Variants in SIL1 observed in about 807,000 individuals in gnomAD.
The protein encoded by SIL1 is nucleotide exchange factor SIL1.
SIL1 carries 40 observed loss-of-function variants against 49.1 expected under a neutral mutation model. The observed-to-expected ratio is 0.81, with a 90% CI of 0.63 to 1.06. The LOEUF (loss-of-function observed/expected upper bound fraction) is 1.06. Ranked by LOEUF, SIL1 falls within the 50% of genes least tolerant of loss-of-function variation. SIL1 has a pLI of 0.00. For synonymous variants in SIL1, 253 were observed against 250.8 expected, an observed-to-expected ratio of 1.01 and a Z score of -0.08; for missense variants, 500 against 572.6, an observed-to-expected ratio of 0.87 and a Z score of 1.29.
intron 3 of SIL1, among the ~76,000 whole-genome samples, chr5:139,075,019 T>G (rs1357639221): frequency 6.6e-6 from 1 of 152,124 alleles, no homozygotes; most frequent in Non-Finnish European, 1.5e-5. Flanking sequence ...GAGATGGGGT[T>G]TCACCATGTT....
intron 3 of SIL1, among the ~76,000 whole-genome samples, chr5:139,097,361 G>A (rs902965111): frequency 6.6e-6 from 1 of 152,012 alleles, no homozygotes; most frequent in Non-Finnish European, 1.5e-5. Context: ...AGTGAACATA[G>A]GCAATAGCCA....
rs550527697 is a variant in SIL1, at chr5:139,065,201, TG to T, written c.245-14156del. On this transcript the variant is annotated intron_variant, in intron 3 of 9. Transcript: ENST00000394817. ...GCATCCAAACTGAGAGGGCAGCAAATGAGCTGTTTAAACTTAGCCTGTACCA... is the reference window on the plus strand; with the variant it reads ...GCATCCAAACTGAGAGGGCAGCAAATAGCTGTTTAAACTTAGCCTGTACCA... Among the ~76,000 whole-genome samples, 305 of 152,202 alleles carry T rather than the reference TG, an allele frequency of 2.0e-3. 2 individuals are homozygous for T. Among genetic ancestry groups the T allele is most frequent in the African/African-American group, 7.1e-3 (293 of 41,506 alleles).
At chr5:139,142,874 T>C (rs777576611) in intron 1 of SIL1, among the ~76,000 whole-genome samples, 8 of 152,092 alleles carry the variant, frequency 5.3e-5, no homozygotes, top group Non-Finnish European at 1.0e-4. Context: ...GTTCACGCCA[T>C]TCTCCTGCAT....
At chr5:138,982,601 T>C (rs1767552626) in intron 7 of SIL1, among the ~76,000 whole-genome samples, 1 of 152,210 alleles carries the variant, frequency 6.6e-6, no homozygotes, top group African/African-American at 2.4e-5. Context: ...CAGGAGAATA[T>C]TCCCCACTTC....
rs1242113925 is a variant in SIL1 at position 139,016,372 on chromosome 5, A to C, written c.767+4799T>G. ...TTGAGGTGCGATGAGACAGTGTGGT[A>C]GAAACGTAGAAGACCACAGGAGAAA... On this transcript the variant is annotated intron_variant, in intron 7 of 9. Coordinates refer to ENST00000394817, the MANE Select transcript of SIL1 (RefSeq NM_022464.5). Among the ~76,000 whole-genome samples the C allele has an allele frequency of 2.6e-5, 4 of 152,250 alleles. No homozygotes were observed. The East Asian group carries it at 7.7e-4, about 29-fold the overall frequency.
intron 7 of SIL1, among the ~76,000 whole-genome samples, chr5:138,997,973 C>T (rs1383209816): frequency 2.6e-5 from 4 of 152,098 alleles, no homozygotes; most frequent in Non-Finnish European, 5.9e-5. Context: ...ATTTTAGAAT[C>T]GTCTCTTTTA....
intron 3 of SIL1, among the ~76,000 whole-genome samples, chr5:139,112,673 G>A (rs905610052): frequency 2.0e-5 from 3 of 150,466 alleles, no homozygotes; most frequent in Non-Finnish European, 4.4e-5. Context: ...CCATCCGGGA[G>A]GGAGGTGGCG....
At chr5:138,980,408 T>C (rs1581002757) in intron 7 of SIL1, among the ~76,000 whole-genome samples, 1 of 152,150 alleles carries the variant, frequency 6.6e-6, no homozygotes, top group South Asian at 2.1e-4. Context: ...GGTGGACAGT[T>C]TGGACAACCA....
chr5:139,146,993 C>T lies in SIL1; in HGVS notation c.-10-19140G>A, dbSNP rs571925170. ...GCCTGAGTACATGGGACTCCTTCCT[C>T]ATCCACTGTTTAATCTCTAGTTAGA... is the stretch of plus-strand genomic sequence containing the variant. On this transcript the variant is annotated intron_variant, in intron 1 of 9. Coordinates refer to ENST00000394817, the MANE Select transcript of SIL1 (RefSeq NM_022464.5). 2.7e-3 allele frequency among the ~76,000 whole-genome samples: 418 copies of T among 152,316 alleles called. 3 individuals are homozygous for T. The highest frequency in any genetic ancestry group is 9.7e-3 in the African/African-American group (403 of 41,566).
intron 1 of SIL1, among the ~76,000 whole-genome samples, chr5:139,162,871 T>C (rs887554564): frequency 6.6e-6 from 1 of 151,864 alleles, no homozygotes; most frequent in Non-Finnish European, 1.5e-5. Context: ...AAATATCAAG[T>C]GGTTAAGTTA....
intron 1 of SIL1, among the ~76,000 whole-genome samples, chr5:139,183,808 C>T (rs1752033408): frequency 6.6e-6 from 1 of 152,142 alleles, no homozygotes; most frequent in East Asian, 1.9e-4. Flanking sequence ...GATATTAATC[C>T]AAACCCATCT....
At chr5:139,074,448 T>A (rs1769900679) in intron 3 of SIL1, among the ~76,000 whole-genome samples, 1 of 152,236 alleles carries the variant, frequency 6.6e-6, no homozygotes, top group Non-Finnish European at 1.5e-5. Context: ...AATAAAAATA[T>A]AAACTATATA....
intron 3 of SIL1, among the ~76,000 whole-genome samples, chr5:139,072,191 T>C (rs1769848899): frequency 6.6e-6 from 1 of 152,202 alleles, no homozygotes; most frequent in Non-Finnish European, 1.5e-5. Flanking sequence ...CATTTGGGCT[T>C]CTTTAAAATA....
At chr5:139,130,080 C>A (rs1287296939) in intron 1 of SIL1, among the ~76,000 whole-genome samples, 1 of 152,014 alleles carries the variant, frequency 6.6e-6, no homozygotes, top group Non-Finnish European at 1.5e-5. Flanking sequence ...CAAGAACAGC[C>A]TGAGCAACAT....
intron 1 of SIL1, among the ~76,000 whole-genome samples, chr5:139,169,557 C>T (rs187403367): frequency 9.6e-4 from 146 of 151,488 alleles, no homozygotes; most frequent in Middle Eastern, 3.4e-3. Flanking sequence ...TCTCCACTCA[C>T]TGCAACCTCC....
intron 1 of SIL1, chr5:139,137,202 T>C (rs1750991242): frequency 4.9e-6 from 3 of 616,456 alleles, no homozygotes; most frequent in Non-Finnish European, 8.8e-6. Flanking sequence ...TCAACATTTA[T>C]AGAGAACTTT....
intron 1 of SIL1, among the ~76,000 whole-genome samples, chr5:139,144,182 G>A (rs778700824): frequency 6.6e-6 from 1 of 152,140 alleles, no homozygotes; most frequent in African/African-American, 2.4e-5. Flanking sequence ...AAAACTGCTG[G>A]GCACAGTGAT....
intron 1 of SIL1, among the ~76,000 whole-genome samples, chr5:139,176,927 CTTTTTTTTTTTT>C (rs70982757): frequency 2.1e-5 from 2 of 95,788 alleles, no homozygotes; most frequent in Admixed American, 1.3e-4. Context: ...AGCTGAGATT[CTTTTTTTTTTTT>C]TTTTTTTTTT....
rs531127044 is a variant in SIL1, at chr5:139,067,132, C to T, written c.245-16086G>A. Among the ~76,000 whole-genome samples, 3 of 152,276 alleles carry T rather than the reference C, an allele frequency of 2.0e-5. No individual in the cohort carries two copies. In the South Asian group the frequency reaches 6.2e-4, roughly 32 times the overall value. On this transcript the variant is annotated intron_variant, in intron 3 of 9. Transcript: ENST00000394817. ...GCATTATGGAAAGAAAAACAATTTC[C>T]TCTTTCTGAAATGTGGGGCAGAAGG...
Sources: gnomAD v4.1 joint callset for allele counts (sites outside exome capture counted in the v4.1 genomes callset) on GRCh38, gnomAD v4.1.1 for gene constraint, MANE v1.5 for transcripts, NCBI Gene and HGNC (gene_info 2026-07-23, HGNC 2026-07-21) for gene names.